The following CSMD1 variants were observed in gnomAD, a reference collection of about 807,000 sequenced individuals.
The protein encoded by CSMD1 is CUB and sushi domain-containing protein 1.
CSMD1 carries 213 observed loss-of-function variants against 417.5 expected under a neutral mutation model. The ratio of observed to expected loss-of-function variants is 0.51; its 90% CI spans 0.46 to 0.57. The LOEUF (loss-of-function observed/expected upper bound fraction) is 0.57. Among genes scored for constraint, CSMD1 ranks in the 20% least tolerant of loss-of-function variants. CSMD1 has a pLI of 0.00. For missense variants in CSMD1, 6,923 were observed against 4,529.7 expected, an observed-to-expected ratio of 1.53 and a Z score of -15.17; for synonymous variants, 2,862 against 1,736.8, an observed-to-expected ratio of 1.65 and a Z score of -16.11.
intron 11 of CSMD1, among the ~76,000 whole-genome samples, chr8:3,472,324 T>C (rs576706574): frequency 3.3e-5 from 5 of 152,252 alleles, no homozygotes; most frequent in Admixed American, 6.5e-5. Context: ...CTTTTAACTA[T>C]TGTAAGTGTG....
At chr8:3,389,896 G>T (rs1475214072) in intron 17 of CSMD1, among the ~76,000 whole-genome samples, 2 of 152,102 alleles carry the variant, frequency 1.3e-5, no homozygotes, top group Non-Finnish European at 2.9e-5. Context: ...ATTGAATTTT[G>T]AAATATGCAG....
At chr8:4,095,694 G>A (rs779086597) in intron 3 of CSMD1, among the ~76,000 whole-genome samples, 21 of 152,268 alleles carry the variant, frequency 1.4e-4, no homozygotes, top group African/African-American at 4.6e-4. Context: ...GGTTATAGAA[G>A]CTATGATGAG....
At chr8:4,406,895 A>C (rs1005388813) in intron 3 of CSMD1, among the ~76,000 whole-genome samples, 8 of 152,186 alleles carry the variant, frequency 5.3e-5, no homozygotes, top group Non-Finnish European at 1.0e-4. Flanking sequence ...TACTTTCTCT[A>C]TTGTGCATTG....
At chr8:4,172,972 A>G (rs764696506) in intron 3 of CSMD1, among the ~76,000 whole-genome samples, 3 of 152,168 alleles carry the variant, frequency 2.0e-5, no homozygotes, top group African/African-American at 4.8e-5. Context: ...CAGCTAAACC[A>G]TGCTCAGATT....
intron 1 of CSMD1, among the ~76,000 whole-genome samples, chr8:4,659,364 G>C (rs61535465): frequency 0.037 from 5,654 of 152,190 alleles, 349 homozygotes; most frequent in African/African-American, 0.13. Flanking sequence ...ATATTAAAAA[G>C]ATTAGAGCAG....
At chr8:4,793,759 T>G (rs1029959093) in intron 1 of CSMD1, among the ~76,000 whole-genome samples, 2 of 151,802 alleles carry the variant, frequency 1.3e-5, no homozygotes, top group African/African-American at 4.8e-5. Flanking sequence ...GACATTCGTT[T>G]TACCATCTTG....
At position 3,765,618 on chromosome 8, in the gene CSMD1, T is replaced by C. The variant is rs564091931; in HGVS notation, c.819-11576A>G. Reference sequence around the variant, plus strand: ...TTTTATTTTTGCTCCTAATGTAAGTTATTAAGAGAAGTGAACCCTAAGATG... The same window carrying C: ...TTTTATTTTTGCTCCTAATGTAAGTCATTAAGAGAAGTGAACCCTAAGATG... On this transcript the variant is annotated intron_variant, in intron 5 of 69. Transcript: ENST00000635120. Among the ~76,000 whole-genome samples, 24 of 152,348 alleles carry C rather than the reference T, an allele frequency of 1.6e-4. 1 individual carries two copies. In the South Asian group the frequency reaches 5.0e-3, roughly 32 times the overall value.
At chr8:4,229,008 A>T (rs374684393) in intron 3 of CSMD1, among the ~76,000 whole-genome samples, 2 of 152,140 alleles carry the variant, frequency 1.3e-5, no homozygotes, top group African/African-American at 4.8e-5. Flanking sequence ...CTTTTCCATG[A>T]AATTGAGACA....
chr8:2,965,689 C>T lies in CSMD1; in HGVS notation c.9280+86G>A, dbSNP rs1184455275. On this transcript the variant is annotated intron_variant, in intron 59 of 69. Transcript: ENST00000635120. ...GAATTCCTAGCCCCTAGAAGGGCTA[C>T]ATAAATGCTTGCAAAATTAAACAAA... The T allele has an allele frequency of 4.0e-6, 5 of 1,252,696 alleles. No individual in the cohort carries two copies. The South Asian group carries it at 4.4e-5, about 11-fold the overall frequency. 77.6% of individuals were successfully genotyped at this position (1,252,696 alleles called of 1,614,324 possible). A position where few individuals can be genotyped will look rare whatever the true frequency, so the allele number is the denominator to read the frequency against.
intron 1 of CSMD1, among the ~76,000 whole-genome samples, chr8:4,838,731 C>T (rs1800655059): frequency 6.6e-6 from 1 of 152,162 alleles, no homozygotes; most frequent in African/African-American, 2.4e-5. Flanking sequence ...TTGTTTCATG[C>T]CATCGGCTCA....
chr8:4,567,085 A>T (rs781722906), intron 2 of CSMD1, among the ~76,000 whole-genome samples: 1 of 151,624 alleles, frequency 6.6e-6, no homozygotes. Context: ...AAATTTATTA[A>T]TCTGTATTTT....
chr8:4,172,416 C>T (rs547448016), intron 3 of CSMD1, among the ~76,000 whole-genome samples: 6 of 152,140 alleles, frequency 3.9e-5, no homozygotes, highest in East Asian at 1.9e-4. Flanking sequence ...TCATGGCTCC[C>T]GCGTTACACA....
chr8:4,039,874 C>G (rs182296768), intron 3 of CSMD1, among the ~76,000 whole-genome samples: 2 of 152,178 alleles, frequency 1.3e-5, no homozygotes, highest in East Asian at 3.9e-4. Flanking sequence ...TAATGTTGGA[C>G]AAATTACTTA....
chr8:4,731,058 G>A (rs912586428), intron 1 of CSMD1, among the ~76,000 whole-genome samples: 2 of 152,110 alleles, frequency 1.3e-5, no homozygotes, highest in Non-Finnish European at 2.9e-5. Context: ...AGGGTCTGTG[G>A]GTCTTGACTC....
At chr8:4,291,296 G>A (rs1051432708) in intron 3 of CSMD1, among the ~76,000 whole-genome samples, 1 of 151,936 alleles carries the variant, frequency 6.6e-6, no homozygotes, top group African/African-American at 2.4e-5. Flanking sequence ...TAAAAGTCAA[G>A]ATATTTAAAA....
rs533527901 is a variant in CSMD1 at position 4,518,290 on chromosome 8, G to A, written c.303-98225C>T. ...CAGCATCCGACGCCCAGCAGCAGCA[G>A]CAGAGTGAGGTAAAAGCGCAAAGCT... On this transcript the variant is annotated intron_variant, in intron 2 of 69. Transcript: ENST00000635120. Among the ~76,000 whole-genome samples the A allele has an allele frequency of 1.2e-3, 178 of 152,086 alleles. 1 individual carries two copies. The highest frequency in any genetic ancestry group is 1.3e-3 in the Non-Finnish European group (89 of 68,020).
At chr8:4,356,256 T>A (rs1310729943) in intron 3 of CSMD1, among the ~76,000 whole-genome samples, 1 of 152,134 alleles carries the variant, frequency 6.6e-6, no homozygotes, top group African/African-American at 2.4e-5. Context: ...GTCTCCAATC[T>A]CATCCCGGTC....
chr8:3,942,187 C>G (rs193208798), intron 5 of CSMD1, among the ~76,000 whole-genome samples: 2 of 151,954 alleles, frequency 1.3e-5, no homozygotes, highest in Admixed American at 6.6e-5. Flanking sequence ...TGGGCTCCCA[C>G]TGATTCTACA....
chr8:4,553,738 G>T (rs1371378231), intron 2 of CSMD1, among the ~76,000 whole-genome samples: 1 of 152,168 alleles, frequency 6.6e-6, no homozygotes, highest in African/African-American at 2.4e-5. Context: ...TGCTATTAGT[G>T]TACAGAATAT....
Sources: gnomAD v4.1 joint callset for allele counts (sites outside exome capture counted in the v4.1 genomes callset) on GRCh38, gnomAD v4.1.1 for gene constraint, MANE v1.5 for transcripts, NCBI Gene and HGNC (gene_info 2026-07-23, HGNC 2026-07-21) for gene names.